The following NFIB variants were observed in gnomAD, a reference collection of about 807,000 sequenced individuals.
NFIB encodes the protein nuclear factor 1 B-type.
Under a neutral mutation model 61.5 loss-of-function variants are expected in NFIB, and 11 were observed. The ratio of observed to expected loss-of-function variants is 0.18; its 90% CI spans 0.11 to 0.30. The LOEUF (loss-of-function observed/expected upper bound fraction) is 0.30. NFIB is among the 10% of genes least tolerant of loss of function. The pLI is 1.00. For synonymous variants in NFIB, 260 were observed against 216.5 expected, an observed-to-expected ratio of 1.20 and a Z score of -1.76; for missense variants, 471 against 608.9, an observed-to-expected ratio of 0.77 and a Z score of 2.38.
the NFIB span, among the ~76,000 whole-genome samples, chr9:14,436,834 G>C: frequency 6.6e-6 from 1 of 152,164 alleles, no homozygotes; most frequent in Non-Finnish European, 1.5e-5. Context: ...ATTCAGTGGA[G>C]AAGAAAACAG....
intron 10 of NFIB, among the ~76,000 whole-genome samples, chr9:14,105,377 C>G (rs78831649): frequency 6.6e-6 from 1 of 152,078 alleles, no homozygotes; most frequent in Non-Finnish European, 1.5e-5. Flanking sequence ...CATTGAATTT[C>G]CTTTTAGTTA....
chr9:14,419,244 T>C, the NFIB span, among the ~76,000 whole-genome samples: 1 of 147,748 alleles, frequency 6.8e-6, no homozygotes, highest in Non-Finnish European at 1.5e-5. Context: ...TGGAAACTTT[T>C]CATAGGGGAA....
chr9:14,145,097 T>C (rs183954729), intron 6 of NFIB, among the ~76,000 whole-genome samples: 1 of 150,914 alleles, frequency 6.6e-6, no homozygotes, highest in Non-Finnish European at 1.5e-5. Context: ...GGGTCTCTCA[T>C]GAGGGGAGTC....
chr9:14,329,382 A>G (rs898473118), intron 1 of NFIB, among the ~76,000 whole-genome samples: 2 of 152,126 alleles, frequency 1.3e-5, no homozygotes, highest in African/African-American at 4.8e-5. Flanking sequence ...ATAGACTGAA[A>G]TGTCCCAGGA....
intron 6 of NFIB, among the ~76,000 whole-genome samples, chr9:14,131,269 G>A (rs574401811): frequency 6.6e-6 from 1 of 152,292 alleles, no homozygotes; most frequent in South Asian, 2.1e-4. Context: ...GTAGGCTACT[G>A]ATAAAGTTGG....
At chr9:14,262,941 C>T (rs1029919005) in intron 2 of NFIB, among the ~76,000 whole-genome samples, 51 of 152,000 alleles carry the variant, frequency 3.4e-4, no homozygotes, top group African/African-American at 1.2e-3. Context: ...AATTCAATGT[C>T]GACATAAATC....
intron 1 of NFIB, among the ~76,000 whole-genome samples, chr9:14,330,243 A>T (rs1192929351): frequency 1.3e-5 from 2 of 152,206 alleles, no homozygotes; most frequent in Non-Finnish European, 2.9e-5. Context: ...TGATAAAGGA[A>T]GTACCTAACT....
chr9:14,322,231 C>T (rs982766113), intron 1 of NFIB: 1 of 750,148 alleles, frequency 1.3e-6, no homozygotes, highest in African/African-American at 1.8e-5. Context: ...TCTGGATTTC[C>T]AGCTTTCTTT....
rs58055638 is a variant in NFIB, at chr9:14,353,533, G to A, written c.108+44991C>T. Reference sequence around the variant, plus strand: ...GAAAATGGCTTTAAGGCGAATGAAGGGGGCTGGGGAGTGGGCTGGTTCCAA... The same window carrying A: ...GAAAATGGCTTTAAGGCGAATGAAGAGGGCTGGGGAGTGGGCTGGTTCCAA... On this transcript the variant is annotated intron_variant, in intron 1 of 8. Transcript: ENST00000380934. 2.0e-3 allele frequency among the ~76,000 whole-genome samples: 297 copies of A among 152,262 alleles called. 1 individual carries two copies. The highest frequency in any genetic ancestry group is 6.9e-3 in the African/African-American group (286 of 41,546).
At chr9:14,472,051 A>G in the NFIB span, among the ~76,000 whole-genome samples, 1 of 152,296 alleles carries the variant, frequency 6.6e-6, no homozygotes, top group South Asian at 2.1e-4. Flanking sequence ...AGGCATTTTC[A>G]CACATGTAGA....
intron 1 of NFIB, chr9:14,361,148 G>T (rs1302367536): frequency 2.0e-5 from 3 of 151,092 alleles, no homozygotes; most frequent in Non-Finnish European, 4.4e-5. Context: ...GCACATTTTG[G>T]ATGAATTCCC....
chr9:14,285,873 T>C (rs2058675931), intron 2 of NFIB, among the ~76,000 whole-genome samples: 2 of 151,570 alleles, frequency 1.3e-5, no homozygotes, highest in Non-Finnish European at 2.9e-5. Flanking sequence ...AAGATTGGTA[T>C]TATCTCCATT....
At chr9:14,386,461 A>C (rs924804157) in intron 1 of NFIB, among the ~76,000 whole-genome samples, 1 of 152,214 alleles carries the variant, frequency 6.6e-6, no homozygotes, top group Non-Finnish European at 1.5e-5. Flanking sequence ...CACCCTTCTG[A>C]AGAGCACTAT....
chr9:14,502,924 C>T, the NFIB span, among the ~76,000 whole-genome samples: 2 of 151,942 alleles, frequency 1.3e-5, no homozygotes, highest in African/African-American at 4.8e-5. Context: ...CATTCTTATG[C>T]CTTTGTGTCC....
intron 2 of NFIB, among the ~76,000 whole-genome samples, chr9:14,180,187 T>A (rs541014362): frequency 6.6e-5 from 10 of 152,324 alleles, no homozygotes; most frequent in Admixed American, 1.3e-4. Context: ...CCTGAAAGTA[T>A]GTTTTTATTC....
At chr9:14,401,454 C>G (rs1378530631), upstream of NFIB, among the ~76,000 whole-genome samples, 1 of 152,172 alleles carries the variant, frequency 6.6e-6, no homozygotes, top group Non-Finnish European at 1.5e-5. Flanking sequence ...CACCATCGGC[C>G]TGGAAGCTAC....
At position 14,330,467 on chromosome 9, in the gene NFIB, T is replaced by C. The variant is rs539384261; in HGVS notation, c.109-22947A>G. Among the ~76,000 whole-genome samples the C allele has an allele frequency of 7.0e-4, 107 of 152,292 alleles. 1 individual carries two copies. In the South Asian group the frequency reaches 0.021, roughly 30 times the overall value. The stretch of plus-strand genomic sequence containing the variant: ...GATTTTGAAAAGTTTTGAAAAACGT[T>C]TTTTAAATAGTTTTTAACCGTGTTT... On this transcript the variant is annotated intron_variant, in intron 1 of 8. Coordinates refer to the NFIB transcript ENST00000380934.
chr9:14,247,860 T>A (rs1289816261), intron 2 of NFIB, among the ~76,000 whole-genome samples: 1 of 152,122 alleles, frequency 6.6e-6, no homozygotes, highest in Non-Finnish European at 1.5e-5. Flanking sequence ...TATTATTTTT[T>A]AAAATCTACA....
At chr9:14,243,046 C>T (rs374109163) in intron 2 of NFIB, among the ~76,000 whole-genome samples, 3 of 152,210 alleles carry the variant, frequency 2.0e-5, no homozygotes, top group South Asian at 2.1e-4. Flanking sequence ...TACAGTATGT[C>T]GGTAAGGAAA....
Sources: allele counts gnomAD v4.1 joint callset (sites outside exome capture counted in the v4.1 genomes callset), GRCh38; gene constraint gnomAD v4.1.1; transcripts MANE v1.5; gene names NCBI Gene and HGNC (gene_info 2026-07-23, HGNC 2026-07-21).